Variants in C2CD2 observed in about 807,000 individuals in gnomAD.
C2CD2 encodes the protein C2 domain-containing protein 2.
A neutral mutation model predicts 74.3 loss-of-function variants in C2CD2; 43 were observed. That is an observed-to-expected ratio of 0.58 (90% CI 0.45 to 0.75). The LOEUF (loss-of-function observed/expected upper bound fraction) is 0.75, where lower values mean the gene tolerates loss of function less well. Ranked by LOEUF, C2CD2 falls within the 30% of genes least tolerant of loss-of-function variation. The pLI, the probability that C2CD2 is intolerant of heterozygous loss-of-function variation, is 0.00. For synonymous variants in C2CD2, 422 were observed against 390.7 expected (o/e 1.08, Z -0.94); for missense variants, 801 against 916.3 (o/e 0.87, Z 1.63).
At chr21:41,934,150 A>G (rs2065286689) in intron 2 of C2CD2, among the ~76,000 whole-genome samples, 1 of 152,186 alleles carries the variant, frequency 6.6e-6, no homozygotes, top group African/African-American at 2.4e-5. Context: ...CACTTTCACC[A>G]GGTGAGGTGG....
intron 2 of C2CD2, among the ~76,000 whole-genome samples, chr21:41,935,552 G>C (rs2065299855): frequency 1.3e-5 from 2 of 152,132 alleles, no homozygotes; most frequent in South Asian, 4.1e-4. Context: ...GCTGAAGCCT[G>C]ACCCCCACAG....
chr21:41,944,521 CAAAA>C (rs369422328), intron 1 of C2CD2, among the ~76,000 whole-genome samples: 3 of 97,920 alleles, frequency 3.1e-5, no homozygotes, highest in Non-Finnish European at 3.9e-5. Context: ...GACTCTGCCT[CAAAA>C]AAAAAAAAAA....
chr21:41,948,576 C>T (rs529001256), intron 1 of C2CD2, among the ~76,000 whole-genome samples: 2 of 152,282 alleles, frequency 1.3e-5, no homozygotes, highest in Admixed American at 6.5e-5. Context: ...GAAGGGGTCA[C>T]GGTGGAGGGT....
At chr21:41,905,360 C>A (rs1331839080) in intron 11 of C2CD2, among the ~76,000 whole-genome samples, 1 of 145,316 alleles carries the variant, frequency 6.9e-6, no homozygotes, top group Non-Finnish European at 1.5e-5. Flanking sequence ...CTCTGTCACC[C>A]AGGTTGGAGT....
chr21:41,891,036 T>G (rs939284070), intron 13 of C2CD2, among the ~76,000 whole-genome samples: 2 of 152,198 alleles, frequency 1.3e-5, no homozygotes, highest in Admixed American at 1.3e-4. Flanking sequence ...ACCAAATCAC[T>G]TTTTATGACG....
chr21:41,918,812 C>T (rs779559944), intron 4 of C2CD2, 44 bp downstream of exon 4: 4 of 1,443,788 alleles, frequency 2.8e-6, no homozygotes, highest in South Asian at 2.3e-5. Flanking sequence ...AACACACGTG[C>T]GTTCTCACGC....
In C2CD2 at chr21:41,885,291, G is replaced by A; in HGVS notation, c.*3833C>T. On this transcript the variant is annotated 3_prime_UTR_variant, in exon 14 of 14. Transcript: ENST00000380486. ...AGTTCATCACCGCACTCCAGCGTCAGGCCAAACCTTTCCGTGGACCTGGAA... is the reference window on the plus strand; with the variant it reads ...AGTTCATCACCGCACTCCAGCGTCAAGCCAAACCTTTCCGTGGACCTGGAA... 6.6e-6 allele frequency: 1 copy of A among 152,234 alleles called. No homozygotes were observed. Among genetic ancestry groups the A allele is most frequent in the East Asian group, 1.9e-4 (1 of 5,202 alleles). The allele number at this position is 152,234 out of a possible 1,614,324, so 9.4% of individuals were successfully genotyped here. A position where few individuals can be genotyped will look rare whatever the true frequency, so the allele number is the denominator to read the frequency against.
intron 13 of C2CD2, among the ~76,000 whole-genome samples, chr21:41,893,069 G>A (rs2064775345): frequency 6.6e-6 from 1 of 152,248 alleles, no homozygotes; most frequent in South Asian, 2.1e-4. Flanking sequence ...CACTTTGGGA[G>A]GCTGAGGTTT....
rs539505076 is a variant in C2CD2, at chr21:41,906,898, G to C, written c.1318+94C>G. The C allele has an allele frequency of 7.1e-5, 65 of 913,272 alleles. No individual in the cohort carries two copies. In the African/African-American group the frequency reaches 9.2e-4, roughly 13 times the overall value. 56.6% of individuals were successfully genotyped at this position (913,272 alleles called of 1,614,324 possible). A position where few individuals can be genotyped will look rare whatever the true frequency, so the allele number is the denominator to read the frequency against. ...CTGTGAGAATTTCCTAACACTCGGC[G>C]CTGCAGGCTCCAGAACTCTGCAGTT... is the stretch of plus-strand genomic sequence containing the variant. On this transcript the variant is annotated intron_variant, in intron 10 of 13. Coordinates refer to ENST00000380486, the MANE Select transcript of C2CD2 (RefSeq NM_015500.2).
rs530515186 is a variant in C2CD2 at position 41,953,696 on chromosome 21, C to A, written c.-48G>T. The A allele has an allele frequency of 4.5e-6, 6 of 1,342,282 alleles. No individual in the cohort carries two copies. In the African/African-American group the frequency reaches 7.7e-5, roughly 17 times the overall value. 83.1% of individuals were successfully genotyped at this position (1,342,282 alleles called of 1,614,324 possible). On this transcript the variant is annotated 5_prime_UTR_variant, in exon 1 of 14. Transcript: ENST00000380486. ...CCCCAACTTCCCCGGCAGCCCCGGG[C>A]CGGAACGGCGGACTCAGGACACGCG...
At chr21:41,922,159 T>TC (rs2065161705) in intron 2 of C2CD2, 74 bp from the exon 3 acceptor site, 1 of 776,654 alleles carries the variant, frequency 1.3e-6, no homozygotes, top group South Asian at 1.7e-5. Context: ...ATCTTCTTCT[T>TC]CTTCTTTTTT....
Position 41,953,759 on chromosome 21 carries a change from G to A in C2CD2, c.-111C>T. On this transcript the variant is annotated 5_prime_UTR_variant, in exon 1 of 14. Coordinates refer to ENST00000380486, the MANE Select transcript of C2CD2 (RefSeq NM_015500.2). ...ACAGCGCGCTGGGGGCGTGGAGGGGGCGCGGCGGGGTCGGAGCCCGGCGAG... is the reference window on the plus strand; with the variant it reads ...ACAGCGCGCTGGGGGCGTGGAGGGGACGCGGCGGGGTCGGAGCCCGGCGAG... 1.9e-6 allele frequency: 2 copies of A among 1,050,100 alleles called. No individual in the cohort carries two copies. The highest frequency in any genetic ancestry group is 2.4e-6 in the Non-Finnish European group (2 of 827,164). The allele number at this position is 1,050,100 out of a possible 1,614,324, so 65.0% of individuals were successfully genotyped here. A position where few individuals can be genotyped will look rare whatever the true frequency, so the allele number is the denominator to read the frequency against.
chr21:41,887,437 C>T lies in C2CD2; in HGVS notation c.*1687G>A, dbSNP rs1369334962. 1 of 151,258 alleles carries T rather than the reference C, an allele frequency of 6.6e-6. No homozygotes were observed. Among genetic ancestry groups the T allele is most frequent in the Non-Finnish European group, 1.5e-5 (1 of 67,836 alleles). 9.4% of individuals were successfully genotyped at this position (151,258 alleles called of 1,614,324 possible). ...TTCCTAATGTCGTTTTCTAATCTCT[C>T]TCTCTAAAAAAGAAGAAAAAAAAAT... is the stretch of plus-strand genomic sequence containing the variant. On this transcript the variant is annotated 3_prime_UTR_variant, in exon 14 of 14. Coordinates refer to ENST00000380486, the MANE Select transcript of C2CD2 (RefSeq NM_015500.2).
chr21:41,906,418 T>C (rs1168275332), intron 10 of C2CD2, among the ~76,000 whole-genome samples: 5 of 152,208 alleles, frequency 3.3e-5, no homozygotes, highest in Admixed American at 3.3e-4. Flanking sequence ...CAGGCTGTAG[T>C]GCAATGGTGT....
intron 1 of C2CD2, among the ~76,000 whole-genome samples, chr21:41,944,508 C>A (rs1372876225): frequency 9.1e-6 from 1 of 110,226 alleles, no homozygotes; most frequent in Non-Finnish European, 1.7e-5. Context: ...GGCGACAGAG[C>A]GAGACTCTGC....
chr21:41,917,088 G>A (rs530411547), intron 5 of C2CD2, among the ~76,000 whole-genome samples: 64 of 152,294 alleles, frequency 4.2e-4, no homozygotes, highest in African/African-American at 1.5e-3. Context: ...CACCCCTCCT[G>A]CTCTGCTCTG....
Position 41,926,894 on chromosome 21 carries a change from C to A in C2CD2, c.379-4809G>T, listed in dbSNP as rs947178004. Among the ~76,000 whole-genome samples the A allele has an allele frequency of 3.3e-5, 5 of 152,060 alleles. No homozygotes were observed. The highest frequency in any genetic ancestry group is 6.5e-5 in the Admixed American group (1 of 15,270). On this transcript the variant is annotated intron_variant, in intron 2 of 13. Coordinates refer to ENST00000380486, the MANE Select transcript of C2CD2 (RefSeq NM_015500.2). This position sits in a 1 kb window ranked among gnomAD's most constrained non-coding sequence, Gnocchi z 8.0. Reference sequence around the variant, plus strand: ...TCACTTTCATCACATTCTGTAACACCCAAGGAAAGAACTCCCAAATAAAAG... The same window carrying A: ...TCACTTTCATCACATTCTGTAACACACAAGGAAAGAACTCCCAAATAAAAG...
At chr21:41,935,522 C>T (rs2065299628) in intron 2 of C2CD2, among the ~76,000 whole-genome samples, 1 of 152,166 alleles carries the variant, frequency 6.6e-6, no homozygotes, top group Admixed American at 6.5e-5. Flanking sequence ...CTGCAAACTG[C>T]AGCATGCCCG....
At chr21:41,905,224 C>T (rs932343090) in intron 11 of C2CD2, among the ~76,000 whole-genome samples, 4 of 151,988 alleles carry the variant, frequency 2.6e-5, no homozygotes, top group Admixed American at 1.3e-4. Context: ...ATATGAATGC[C>T]GCTCCTGGTC....
Sources: allele counts gnomAD v4.1 joint callset (sites outside exome capture counted in the v4.1 genomes callset), GRCh38; gene constraint gnomAD v4.1.1; non-coding constraint Gnocchi (gnomAD v3.1); transcripts MANE v1.5; gene names NCBI Gene and HGNC (gene_info 2026-07-23, HGNC 2026-07-21).